OR51B5: variants seen among roughly 807,000 people sequenced by gnomAD.
OR51B5 encodes the protein olfactory receptor family 51 subfamily B member 5, also known as olfactory receptor 51B5.
For synonymous variants in OR51B5, 186 were observed against 144.8 expected (o/e 1.28, Z -2.04); for missense variants, 456 against 374.6 (o/e 1.22, Z -1.79).
chr11:5,350,233 T>C (rs4463873), intron 1 of OR51B5, among the ~76,000 whole-genome samples: 18,702 of 152,246 alleles, frequency 0.12, 1,328 homozygotes, highest in Non-Finnish European at 0.16. Flanking sequence ...TGTAACCAAA[T>C]CTCAAGATTA....
intron 1 of OR51B5, among the ~76,000 whole-genome samples, chr11:5,400,152 C>A (rs11037231): frequency 0.012 from 1,803 of 152,272 alleles, 19 homozygotes; most frequent in Middle Eastern, 0.027. Context: ...TAATTTGCCC[C>A]TGAATTTCCC....
intron 1 of OR51B5, among the ~76,000 whole-genome samples, chr11:5,405,117 G>A (rs958106282): frequency 2.0e-5 from 3 of 152,138 alleles, no homozygotes; most frequent in African/African-American, 7.2e-5. Flanking sequence ...TTAAAATGAT[G>A]TAAAGCGTTT....
At chr11:5,413,414 C>G (rs151179123) in intron 1 of OR51B5, among the ~76,000 whole-genome samples, 3,882 of 152,256 alleles carry the variant, frequency 0.025, 163 homozygotes, top group African/African-American at 0.085. Flanking sequence ...TCTTCACCAG[C>G]AATGCAACAA....
At chr11:5,501,770 C>G (rs982276340) in intron 1 of OR51B5, among the ~76,000 whole-genome samples, 1 of 148,076 alleles carries the variant, frequency 6.8e-6, no homozygotes, top group African/African-American at 2.4e-5. Flanking sequence ...TTAATTTCTC[C>G]CTGTTTATTA....
At chr11:5,407,069 C>T (rs1359175906) in intron 1 of OR51B5, among the ~76,000 whole-genome samples, 1 of 151,838 alleles carries the variant, frequency 6.6e-6, no homozygotes, top group Non-Finnish European at 1.5e-5. Context: ...AATTAAAAAG[C>T]AAGAAAATAA....
chr11:5,404,676 T>G (rs1274058706), intron 1 of OR51B5, among the ~76,000 whole-genome samples: 1 of 152,208 alleles, frequency 6.6e-6, no homozygotes, highest in Non-Finnish European at 1.5e-5. Context: ...CTCTTCACAA[T>G]AAATCTTGTG....
intron 1 of OR51B5, among the ~76,000 whole-genome samples, chr11:5,368,481 T>G (rs1849406981): frequency 1.3e-5 from 2 of 152,220 alleles, no homozygotes; most frequent in Non-Finnish European, 2.9e-5. Flanking sequence ...ACTATAATCA[T>G]CATTGAAAAT....
At chr11:5,410,574 C>A (rs995925957) in intron 1 of OR51B5, among the ~76,000 whole-genome samples, 1 of 151,970 alleles carries the variant, frequency 6.6e-6, no homozygotes, top group Non-Finnish European at 1.5e-5. Flanking sequence ...CTATACTTTA[C>A]TTTTATTGTT....
chr11:5,351,795 C>CT, intron 1 of OR51B5: 1 of 1,613,972 alleles, frequency 6.2e-7, no homozygotes, highest in African/African-American at 1.3e-5. Flanking sequence ...GAGCCTGCTT[C>CT]TCTCAGGCCT....
At chr11:5,488,883 T>A (rs1447929112) in intron 1 of OR51B5, 1 of 1,614,064 alleles carries the variant, frequency 6.2e-7, no homozygotes, top group Non-Finnish European at 8.5e-7. Flanking sequence ...ATGCTCTTCA[T>A]GCACCTATGT....
At chr11:5,432,688 G>A (rs1293505213) in intron 1 of OR51B5, among the ~76,000 whole-genome samples, 1 of 152,152 alleles carries the variant, frequency 6.6e-6, no homozygotes, top group African/African-American at 2.4e-5. Context: ...TATTACATGG[G>A]ATATTGAGTA....
Position 5,464,050 on chromosome 11 carries a change from T to A in OR51B5, n.84+41519A>T, listed in dbSNP as rs530665903. ...CAGAACTACAAGCTGGGGAAATTGC[T>A]TTTTTATGATGGAAAACAGACAATA... On this transcript the variant is annotated intron_variant and non_coding_transcript_variant, in intron 1 of 4. Coordinates refer to the OR51B5 transcript ENST00000415970. Among the ~76,000 whole-genome samples, 6 of 152,282 alleles carry A rather than the reference T, an allele frequency of 3.9e-5. No homozygotes were observed. In the South Asian group the frequency reaches 1.2e-3, roughly 32 times the overall value.
rs1262932400 is a variant in OR51B5 at position 5,351,592 on chromosome 11, T to C, written n.85-4682A>G. 5.0e-6 allele frequency: 8 copies of C among 1,614,138 alleles called. No individual in the cohort carries two copies. In the East Asian group the frequency reaches 1.3e-4, roughly 27 times the overall value. On this transcript the variant is annotated intron_variant and non_coding_transcript_variant, in intron 1 of 4. Coordinates refer to the OR51B5 transcript ENST00000415970. ...GGCACATCACTGGATATTCATCCCA[T>C]TATTGGCAGCCTACATCTCCATACT...
intron 1 of OR51B5, chr11:5,454,486 G>GTCA (rs897121807): frequency 3.1e-6 from 4 of 1,293,304 alleles, no homozygotes; most frequent in African/African-American, 1.5e-5. Flanking sequence ...CAGTAGCATC[G>GTCA]TCATCATCAT....
intron 1 of OR51B5, among the ~76,000 whole-genome samples, chr11:5,452,512 A>C (rs1850870872): frequency 2.8e-5 from 1 of 35,776 alleles, no homozygotes; most frequent in Admixed American, 2.3e-4. Context: ...CTCAAAAAAA[A>C]AAAAAAAAAA....
intron 1 of OR51B5, among the ~76,000 whole-genome samples, chr11:5,383,534 G>A (rs1437582239): frequency 2.6e-5 from 4 of 152,202 alleles, no homozygotes; most frequent in Non-Finnish European, 5.9e-5. Context: ...GATAACAGAA[G>A]ACAGTAAATA....
chr11:5,411,225 T>C (rs908481503), intron 1 of OR51B5, among the ~76,000 whole-genome samples: 6 of 152,188 alleles, frequency 3.9e-5, no homozygotes, highest in African/African-American at 1.4e-4. Flanking sequence ...TGTTGTAGCA[T>C]TTTTTACTAT....
intron 1 of OR51B5, among the ~76,000 whole-genome samples, chr11:5,450,450 A>G (rs1850827264): frequency 6.6e-6 from 1 of 152,140 alleles, no homozygotes; most frequent in Non-Finnish European, 1.5e-5. Context: ...AAAAAAAGAA[A>G]TAGATATTTC....
intron 1 of OR51B5, chr11:5,449,504 G>A (rs1850813363): frequency 6.6e-6 from 1 of 152,478 alleles, no homozygotes; most frequent in African/African-American, 2.4e-5. Flanking sequence ...CATCTTAGTA[G>A]AATGAGCAAA....
Sources: allele counts gnomAD v4.1 joint callset (sites outside exome capture counted in the v4.1 genomes callset), GRCh38; gene constraint gnomAD v4.1.1; transcripts MANE v1.5; gene names NCBI Gene and HGNC (gene_info 2026-07-23, HGNC 2026-07-21).